The following ARHGAP32 variants were observed in gnomAD, a reference collection of about 807,000 sequenced individuals.
The protein encoded by ARHGAP32 is rho GTPase-activating protein 32.
In ARHGAP32, 51 loss-of-function variants were observed where a neutral mutation model predicts 186.5. That is an observed-to-expected ratio of 0.27 (90% CI 0.22 to 0.35). The LOEUF (loss-of-function observed/expected upper bound fraction) is 0.35. ARHGAP32 is among the 10% of genes least tolerant of loss of function. The pLI, the probability that ARHGAP32 is intolerant of heterozygous loss-of-function variation, is 1.00. For synonymous variants in ARHGAP32, 950 were observed against 964.3 expected (o/e 0.99, Z 0.27); for missense variants, 2,186 against 2,623.5 (o/e 0.83, Z 3.64).
intron 1 of ARHGAP32, among the ~76,000 whole-genome samples, chr11:129,199,025 T>C (rs1307601131): frequency 6.6e-6 from 1 of 152,214 alleles, no homozygotes; most frequent in Non-Finnish European, 1.5e-5. Context: ...AAGAGACTGG[T>C]GGCATTTTGC....
intron 19 of ARHGAP32, 150 bp from the exon 20 acceptor site, chr11:128,976,784 T>C: frequency 1.5e-6 from 1 of 654,858 alleles, no homozygotes; most frequent in Non-Finnish European, 2.7e-6. Context: ...CATAATGTGT[T>C]ATACTGCACA....
At chr11:129,224,260 C>G (rs1476070914) in intron 1 of ARHGAP32, among the ~76,000 whole-genome samples, 1 of 152,108 alleles carries the variant, frequency 6.6e-6, no homozygotes, top group African/African-American at 2.4e-5. Flanking sequence ...CTTGTAGGAT[C>G]TAAATCCAGA....
chr11:129,086,649 G>C (rs541954848), intron 6 of ARHGAP32, among the ~76,000 whole-genome samples: 2 of 151,942 alleles, frequency 1.3e-5, no homozygotes, highest in Admixed American at 6.6e-5. Flanking sequence ...GTGAAACCCT[G>C]TCTCTACTAA....
chr11:129,187,281 C>A (rs1944181683), intron 1 of ARHGAP32, among the ~76,000 whole-genome samples: 1 of 151,950 alleles, frequency 6.6e-6, no homozygotes, highest in South Asian at 2.1e-4. Context: ...ACAAACATCA[C>A]ATGTTCTCAC....
chr11:129,152,078 C>G (rs1390217436), intron 2 of ARHGAP32, among the ~76,000 whole-genome samples: 1 of 151,984 alleles, frequency 6.6e-6, no homozygotes, highest in Non-Finnish European at 1.5e-5. Context: ...TTATCCAAGG[C>G]TACTATTAAC....
At chr11:129,179,800 G>T (rs894701814) in intron 1 of ARHGAP32, among the ~76,000 whole-genome samples, 5 of 151,972 alleles carry the variant, frequency 3.3e-5, no homozygotes, top group African/African-American at 1.2e-4. Flanking sequence ...GTTGTGGGGT[G>T]GGGGGACGGG....
At position 128,974,468 on chromosome 11, in the gene ARHGAP32, C is replaced by G. The variant is rs550484370; in HGVS notation, c.2729G>C (p.Gly910Ala). 2 of 1,614,178 alleles carry G rather than the reference C, an allele frequency of 1.2e-6. No individual in the cohort carries two copies. The change falls in exon 21 of 23, where the codon GGA becomes GCA. Residue 910 changes from glycine (G) to alanine (A), a missense_variant. This residue lies in a region of ARHGAP32 where 1,502 missense variants were observed against 1,570.0 expected (regional missense o/e 0.96). Coordinates refer to ENST00000682385, the MANE Select transcript of ARHGAP32 (RefSeq NM_001378024.1). The stretch of plus-strand genomic sequence containing the variant: ...AGAAGGTGATTTGCTTAATTTCCGT[C>G]CTATCTTCGGAGAGAAAGCATAGAC... ...KVVYAFSPKI[G>A]RKLSKSPSMS...
intron 1 of ARHGAP32, among the ~76,000 whole-genome samples, chr11:129,205,634 A>G (rs1944505936): frequency 6.6e-6 from 1 of 152,192 alleles, no homozygotes; most frequent in Non-Finnish European, 1.5e-5. Context: ...TAATTACATG[A>G]AACAGGATAA....
chr11:129,247,784 A>G (rs1176666222), intron 1 of ARHGAP32, among the ~76,000 whole-genome samples: 1 of 152,214 alleles, frequency 6.6e-6, no homozygotes, highest in Non-Finnish European at 1.5e-5. Flanking sequence ...CAAAGCATTA[A>G]CTACAAATAA....
At position 128,966,980 on chromosome 11, in the gene ARHGAP32, T is replaced by A. The variant is rs543441518; in HGVS notation, c.*1927A>T. 11 of 152,362 alleles carry A rather than the reference T, an allele frequency of 7.2e-5. No homozygotes were observed. The highest frequency in any genetic ancestry group is 6.5e-4 in the Admixed American group (10 of 15,306). The allele number at this position is 152,362 out of a possible 1,614,324, so 9.4% of individuals were successfully genotyped here. A position where few individuals can be genotyped will look rare whatever the true frequency, so the allele number is the denominator to read the frequency against. ...ATCAGGTTTCCTAGCACTTTGACTG[T>A]AAAACAGTTGGTTCTGCACTTTTAA... On this transcript the variant is annotated 3_prime_UTR_variant, in exon 23 of 23. Coordinates refer to ENST00000682385, the MANE Select transcript of ARHGAP32 (RefSeq NM_001378024.1).
chr11:129,038,722 AC>A (rs1435857446), intron 11 of ARHGAP32, among the ~76,000 whole-genome samples: 1 of 151,842 alleles, frequency 6.6e-6, no homozygotes, highest in Non-Finnish European at 1.5e-5. Flanking sequence ...CCTCATCTCT[AC>A]AAAAAATTTA....
intron 1 of ARHGAP32, among the ~76,000 whole-genome samples, chr11:129,174,078 G>A (rs188114189): frequency 2.0e-5 from 3 of 152,320 alleles, no homozygotes; most frequent in Admixed American, 6.5e-5. Context: ...AGGACAGTGG[G>A]TGCGCGCACC....
At chr11:129,110,327 C>A (rs1650303032) in intron 5 of ARHGAP32, among the ~76,000 whole-genome samples, 1 of 152,054 alleles carries the variant, frequency 6.6e-6, no homozygotes, top group Non-Finnish European at 1.5e-5. Context: ...CAATACCATT[C>A]TGTTCAGGTT....
chr11:129,268,629 C>T (rs1945435380), intron 1 of ARHGAP32, among the ~76,000 whole-genome samples: 1 of 113,144 alleles, frequency 8.8e-6, no homozygotes, highest in Non-Finnish European at 1.7e-5. Flanking sequence ...TTAAAAGTTC[C>T]TGTCATCTTG....
upstream of ARHGAP32, among the ~76,000 whole-genome samples, chr11:129,279,531 C>T (rs1236637134): frequency 6.8e-6 from 1 of 146,176 alleles, no homozygotes; most frequent in Non-Finnish European, 1.5e-5. Context: ...CCCCGCCCAG[C>T]TGGCCGGCGC....
intron 11 of ARHGAP32, among the ~76,000 whole-genome samples, chr11:129,027,783 T>C (rs1379643878): frequency 6.6e-6 from 1 of 152,238 alleles, no homozygotes; most frequent in African/African-American, 2.4e-5. Context: ...TTATCTATCA[T>C]ACTATATTGT....
chr11:129,089,277 T>A (rs1941506005), intron 6 of ARHGAP32, among the ~76,000 whole-genome samples: 2 of 152,228 alleles, frequency 1.3e-5, no homozygotes, highest in Non-Finnish European at 2.9e-5. Flanking sequence ...CTTTGACTTC[T>A]TAGAATTTGT....
rs574434712 is a variant in ARHGAP32, at chr11:129,052,476, G to A, written c.963+9804C>T. On this transcript the variant is annotated intron_variant, in intron 10 of 22. Coordinates refer to ENST00000682385, the MANE Select transcript of ARHGAP32 (RefSeq NM_001378024.1). ...GGGATTTTGACTTAGATCAATATGG[G>A]AAGAAACGTCATCTTAAAAAATATA... is the stretch of plus-strand genomic sequence containing the variant. Among the ~76,000 whole-genome samples the A allele has an allele frequency of 1.6e-4, 24 of 152,242 alleles. No homozygotes were observed. The South Asian group carries it at 4.1e-3, about 26-fold the overall frequency.
chr11:129,148,941 A>AGC (rs1460763174), intron 2 of ARHGAP32, among the ~76,000 whole-genome samples: 6 of 152,164 alleles, frequency 3.9e-5, no homozygotes, highest in Non-Finnish European at 8.8e-5. Context: ...GGCCACAGCA[A>AGC]GCCTCACCCA....
Sources: gnomAD v4.1 joint callset for allele counts (sites outside exome capture counted in the v4.1 genomes callset) on GRCh38, gnomAD v4.1.1 for gene constraint, gnomAD v4.1.1 regional missense constraint, MANE v1.5 for transcripts, NCBI Gene and HGNC (gene_info 2026-07-23, HGNC 2026-07-21) for gene names.